The following PTPN2 variants were observed in gnomAD, a reference collection of about 807,000 sequenced individuals.
PTPN2 encodes the protein tyrosine-protein phosphatase non-receptor type 2.
In PTPN2, 19 loss-of-function variants were observed where a neutral mutation model predicts 57.3. That is an observed-to-expected ratio of 0.33 (90% confidence interval 0.23 to 0.49). The LOEUF (loss-of-function observed/expected upper bound fraction) is 0.49. Among genes scored for constraint, PTPN2 ranks in the 20% least tolerant of loss-of-function variants. The pLI is 0.99. For synonymous variants in PTPN2, 153 were observed against 164.9 expected (o/e 0.93, Z 0.55); for missense variants, 358 against 501.1 (o/e 0.71, Z 2.73).
intron 8 of PTPN2, among the ~76,000 whole-genome samples, chr18:12,796,839 G>A (rs533813496): frequency 1.3e-5 from 2 of 151,984 alleles, no homozygotes; most frequent in East Asian, 1.9e-4. Flanking sequence ...CTATTCTTAC[G>A]GCATTTAATT....
chr18:12,840,864 C>G, intron 2 of PTPN2: 1 of 1,587,622 alleles, frequency 6.3e-7, no homozygotes, highest in Non-Finnish European at 8.5e-7. Context: ...TCACATAAAC[C>G]CCACTTCTGT....
At chr18:12,801,883 C>A (rs2041441718) in intron 8 of PTPN2, 87 bp downstream of exon 8, 6 of 1,245,586 alleles carry the variant, frequency 4.8e-6, no homozygotes, top group African/African-American at 1.5e-5. Flanking sequence ...AATTACATAC[C>A]TGAAATCCTA....
intron 5 of PTPN2, among the ~76,000 whole-genome samples, chr18:12,822,721 C>G (rs1235489930): frequency 6.6e-6 from 1 of 152,142 alleles, no homozygotes; most frequent in African/African-American, 2.4e-5. Flanking sequence ...TGGCTATCAG[C>G]CCCCTACTCC....
At chr18:12,849,455 AG>A (rs1680918859) in intron 2 of PTPN2, among the ~76,000 whole-genome samples, 1 of 152,226 alleles carries the variant, frequency 6.6e-6, no homozygotes, top group African/African-American at 2.4e-5. Context: ...ACTACTTGGG[AG>A]GCTGAGGCAG....
chr18:12,863,456 T>TA (rs569266426), intron 1 of PTPN2: 15,588 of 138,382 alleles, frequency 0.11, 949 homozygotes, highest in Non-Finnish European at 0.16. Flanking sequence ...AAGGCCCTGT[T>TA]AAAAAAAAAA....
chr18:12,821,233 T>C (rs1275107653), intron 5 of PTPN2: 1 of 152,230 alleles, frequency 6.6e-6, no homozygotes, highest in Non-Finnish European at 1.5e-5. Flanking sequence ...ACAAAACTGT[T>C]GTTAAGGAAT....
intron 7 of PTPN2, among the ~76,000 whole-genome samples, chr18:12,804,734 TA>T (rs1223083976): frequency 2.0e-5 from 3 of 152,124 alleles, no homozygotes; most frequent in Non-Finnish European, 4.4e-5. Flanking sequence ...ATTAAATCAG[TA>T]ATAAAAAGTC....
At chr18:12,819,259 T>G (rs2042189903) in intron 5 of PTPN2, 1 of 1,464,134 alleles carries the variant, frequency 6.8e-7, no homozygotes, top group Non-Finnish European at 9.1e-7. Flanking sequence ...TCAAATACAG[T>G]GTGATCCACA....
intron 7 of PTPN2, among the ~76,000 whole-genome samples, chr18:12,805,130 A>G (rs1207090228): frequency 6.6e-6 from 1 of 152,208 alleles, no homozygotes; most frequent in Non-Finnish European, 1.5e-5. Context: ...CCATATGATC[A>G]TTTCAACAGA....
rs60239177 is a variant in PTPN2, at chr18:12,835,382, C to CTTTTTTTTTTTTTTTTTT, written c.261+1408_261+1409insAAAAAAAAAAAAAAAAAA. On this transcript the variant is annotated intron_variant, in intron 3 of 8. Transcript: ENST00000309660. ...CTGCAATGAACATGATCACATATGT[C>CTTTTTTTTTTTTTTTTTT]TTTTTTTTTTTTTTGGACAGTTTTG... Among the ~76,000 whole-genome samples, 53 of 99,020 alleles carry CTTTTTTTTTTTTTTTTTT rather than the reference C, an allele frequency of 5.4e-4. 12 individuals carry two copies. The highest frequency in any genetic ancestry group is 2.0e-3 in the African/African-American group (49 of 23,912). The allele number at this position is 99,020 out of a possible 152,430, so 65.0% of individuals were successfully genotyped here.
At chr18:12,877,243 C>T (rs945341905) in intron 1 of PTPN2, among the ~76,000 whole-genome samples, 1 of 152,064 alleles carries the variant, frequency 6.6e-6, no homozygotes, top group Admixed American at 6.6e-5. Flanking sequence ...AAAAAAAGAC[C>T]ACCCTCAAGG....
intron 3 of PTPN2, among the ~76,000 whole-genome samples, chr18:12,833,560 G>A (rs895654467): frequency 6.6e-6 from 1 of 152,154 alleles, no homozygotes; most frequent in African/African-American, 2.4e-5. Flanking sequence ...ATGGGAGGGA[G>A]TTAGGGTCCA....
chr18:12,881,364 G>A (rs2044663173), intron 1 of PTPN2, among the ~76,000 whole-genome samples: 1 of 152,154 alleles, frequency 6.6e-6, no homozygotes, highest in African/African-American at 2.4e-5. Context: ...TTGAACCCAG[G>A]AGGCAGAGGT....
At chr18:12,837,571 T>C (rs552732692) in intron 2 of PTPN2, among the ~76,000 whole-genome samples, 8 of 152,310 alleles carry the variant, frequency 5.3e-5, no homozygotes, top group Non-Finnish European at 1.0e-4. Flanking sequence ...CTTATACATT[T>C]AGATGGGAAA....
intron 9 of PTPN2, chr18:12,787,135 G>C (rs1322704846): frequency 1.3e-5 from 2 of 152,116 alleles, no homozygotes; most frequent in Non-Finnish European, 2.9e-5. Context: ...GTTCAAACTG[G>C]TGCACAAAGT....
intron 2 of PTPN2, among the ~76,000 whole-genome samples, chr18:12,844,516 C>T (rs1464840853): frequency 6.6e-6 from 1 of 152,178 alleles, no homozygotes; most frequent in Non-Finnish European, 1.5e-5. Flanking sequence ...TTTGCATTTT[C>T]CTAATGGCTA....
At chr18:12,884,005 C>T (rs1414777938) in intron 1 of PTPN2, 68 bp downstream of exon 1, 8 of 1,388,736 alleles carry the variant, frequency 5.8e-6, no homozygotes, top group African/African-American at 2.9e-5. Context: ...CGGGAGGGAC[C>T]CTGCGGACAG....
intron 8 of PTPN2, among the ~76,000 whole-genome samples, chr18:12,800,368 A>G (rs946853239): frequency 1.3e-5 from 2 of 152,216 alleles, no homozygotes; most frequent in Admixed American, 6.5e-5. Context: ...AAAAGGGGGG[A>G]AAAAGCAGTA....
downstream of PTPN2, among the ~76,000 whole-genome samples, chr18:12,789,176 A>G (rs2040918813): frequency 6.6e-6 from 1 of 152,108 alleles, no homozygotes; most frequent in Non-Finnish European, 1.5e-5. Flanking sequence ...ATTTTCTAGT[A>G]TATCTGCACT....
Sources: gnomAD v4.1 joint callset for allele counts (sites outside exome capture counted in the v4.1 genomes callset) on GRCh38, gnomAD v4.1.1 for gene constraint, MANE v1.5 for transcripts, NCBI Gene and HGNC (gene_info 2026-07-23, HGNC 2026-07-21) for gene names.